The following RAB44 variants were observed in gnomAD, a reference collection of about 807,000 sequenced individuals.
The protein encoded by RAB44 is ras-related protein Rab-44.
A neutral mutation model predicts 93.3 loss-of-function variants in RAB44; 67 were observed. That is an observed-to-expected ratio of 0.72 (90% confidence interval 0.59 to 0.88). RAB44 has a LOEUF of 0.88. Among genes scored for constraint, RAB44 ranks in the 40% least tolerant of loss-of-function variants. The probability of loss-of-function intolerance (pLI) is 0.00; values close to 1 mark genes in which losing one functional copy is unlikely to be tolerated. For missense variants in RAB44, 1,064 were observed against 1,261.7 expected (o/e 0.84, Z 2.37); for synonymous variants, 427 against 520.3 (o/e 0.82, Z 2.44).
intron 11 of RAB44, 134 bp downstream of exon 11, chr6:36,727,825 A>G (rs1037892756): frequency 3.0e-6 from 2 of 662,988 alleles, no homozygotes; most frequent in Admixed American, 4.6e-5. Context: ...CACTGAGGGC[A>G]TGTGGTTGGA....
chr6:36,721,214 G>C lies in RAB44; in HGVS notation c.1080G>C (p.Leu360=). The C allele has an allele frequency of 8.3e-7, 1 of 1,207,718 alleles. No individual in the cohort carries two copies. The highest frequency in any genetic ancestry group is 1.0e-6 in the Non-Finnish European group (1 of 983,710). The allele number at this position is 1,207,718 out of a possible 1,614,324, so 74.8% of individuals were successfully genotyped here. ...CTGCCTCCCCTGAGGAGGCCCCCCT[G>C]CCTGGGCTATTTGGGGACAACGATG... The part of the protein sequence containing the change: ...PQAASPEEAP[L]PGLFGDNDDW... The change falls in exon 9 of 14, where the codon CTG becomes CTC. Residue 360 remains leucine, a synonymous_variant. Coordinates refer to ENST00000612677, the MANE Select transcript of RAB44 (RefSeq NM_001257357.2).
At chr6:36,727,555 C>T (rs554559394) in intron 10 of RAB44, 22 bp from the exon 11 acceptor site, 3 of 1,529,656 alleles carry the variant, frequency 2.0e-6, no homozygotes, top group African/African-American at 1.4e-5. Context: ...CTGGTGTGGC[C>T]TCATGCAGAC....
Position 36,699,948 on chromosome 6 carries a change from T to C in RAB44, c.-13+2033T>C, listed in dbSNP as rs115007357. On this transcript the variant is annotated intron_variant, in intron 1 of 13. Coordinates refer to ENST00000612677, the MANE Select transcript of RAB44 (RefSeq NM_001257357.2). ...GCAAATATTTGCAGAGTACCAACTGTGTGCCAAGCGCTGTTCTAGGCTCTT... is the reference window on the plus strand; with the variant it reads ...GCAAATATTTGCAGAGTACCAACTGCGTGCCAAGCGCTGTTCTAGGCTCTT... 2.7e-3 allele frequency among the ~76,000 whole-genome samples: 411 copies of C among 152,316 alleles called. 3 individuals are homozygous for C. Among genetic ancestry groups the C allele is most frequent in the African/African-American group, 8.8e-3 (365 of 41,558 alleles).
chr6:36,716,703 T>C (rs1211395786), intron 4 of RAB44, among the ~76,000 whole-genome samples: 1 of 148,244 alleles, frequency 6.7e-6, no homozygotes, highest in African/African-American at 2.5e-5. Flanking sequence ...TGTAGACTGG[T>C]GGGGCAAGGG....
In RAB44 at chr6:36,717,948, C is replaced by T; in HGVS notation, c.642-80C>T. The T allele has an allele frequency of 1.1e-6, 1 of 881,274 alleles. No homozygotes were observed. Among genetic ancestry groups the T allele is most frequent in the East Asian group, 3.3e-5 (1 of 30,064 alleles). 54.6% of individuals were successfully genotyped at this position (881,274 alleles called of 1,614,324 possible). A position where few individuals can be genotyped will look rare whatever the true frequency, so the allele number is the denominator to read the frequency against. ...AAAGCAATAGGATGGATTCCAAACC[C>T]AAGCCCAGACTGCCCCTGCCAGCAG... On this transcript the variant is annotated intron_variant, in intron 5 of 13. Transcript: ENST00000612677. This position sits in a 1 kb window ranked among gnomAD's most constrained non-coding sequence, Gnocchi z 4.1.
At chr6:36,724,220 T>A (rs1292270877) in intron 9 of RAB44, among the ~76,000 whole-genome samples, 1 of 152,082 alleles carries the variant, frequency 6.6e-6, no homozygotes. Context: ...CAGGCTCCAG[T>A]GCAGTGGCAC....
At position 36,731,142 on chromosome 6, in the gene RAB44, C is replaced by T. The variant is rs1313841798; in HGVS notation, c.2975+393C>T. Reference sequence around the variant, plus strand: ...TCTAGTGCCATCTCCCCCACCCCTACACACACACACATTCACTCACACCCA... The same window carrying T: ...TCTAGTGCCATCTCCCCCACCCCTATACACACACACATTCACTCACACCCA... On this transcript the variant is annotated intron_variant, in intron 13 of 13. Transcript: ENST00000612677. This position sits in a 1 kb window ranked among gnomAD's most constrained non-coding sequence, Gnocchi z 4.0. Among the ~76,000 whole-genome samples the T allele has an allele frequency of 1.3e-5, 2 of 151,244 alleles. No homozygotes were observed. The highest frequency in any genetic ancestry group is 3.0e-5 in the Non-Finnish European group (2 of 67,796).
chr6:36,732,180 C>A lies in RAB44; in HGVS notation c.*87C>A. ...CCTTTGTTCCTGGACAGCAACGACA[C>A]AGAGGACCAGCTTGGAGGTTCAGGA... On this transcript the variant is annotated 3_prime_UTR_variant, in exon 14 of 14. Transcript: ENST00000612677. 2.4e-6 allele frequency: 2 copies of A among 831,582 alleles called. No individual in the cohort carries two copies. The highest frequency in any genetic ancestry group is 3.2e-6 in the Non-Finnish European group (2 of 621,318). The allele number at this position is 831,582 out of a possible 1,614,324, so 51.5% of individuals were successfully genotyped here. A position where few individuals can be genotyped will look rare whatever the true frequency, so the allele number is the denominator to read the frequency against.
chr6:36,700,062 C>T (rs935790950), intron 1 of RAB44, among the ~76,000 whole-genome samples: 1 of 152,118 alleles, frequency 6.6e-6, no homozygotes, highest in Non-Finnish European at 1.5e-5. Context: ...ACAACAAAAA[C>T]GAGCAAAAGG....
chr6:36,728,350 T>C (rs1365748482), intron 11 of RAB44, among the ~76,000 whole-genome samples: 1 of 152,200 alleles, frequency 6.6e-6, no homozygotes, highest in Non-Finnish European at 1.5e-5. Context: ...ACCTGGTGTA[T>C]AGCAATCACT....
intron 1 of RAB44, among the ~76,000 whole-genome samples, chr6:36,701,434 G>T (rs1762505874): frequency 6.6e-6 from 1 of 152,130 alleles, no homozygotes; most frequent in Admixed American, 6.6e-5. Flanking sequence ...CTCTTCAGTT[G>T]TCTGTTAGAA....
chr6:36,725,862 G>C lies in RAB44; in HGVS notation c.2600G>C (p.Gly867Ala). Residue 867 changes from glycine (G) to alanine (A), a missense_variant and splice_region_variant, in exon 10 of 14, where the codon GGA (glycine) becomes GCA (alanine). Gly to Ala is a moderately conservative substitution (Grantham distance 60, BLOSUM62 0). Coordinates refer to ENST00000612677, the MANE Select transcript of RAB44 (RefSeq NM_001257357.2). Reference sequence around the variant, plus strand: ...CTTCACCCCTCTCTATGTGTCCTAGGAGTAGATTTTCGGGTCAAAACCTTG... The same window carrying C: ...CTTCACCCCTCTCTATGTGTCCTAGCAGTAGATTTTCGGGTCAAAACCTTG... ...SFATGLTATV[G>A]VDFRVKTLLV... 1 of 1,549,986 alleles carries C rather than the reference G, an allele frequency of 6.5e-7. No homozygotes were observed. The highest frequency in any genetic ancestry group is 1.4e-5 in the African/African-American group (1 of 73,146).
Position 36,731,488 on chromosome 6 carries a change from A to G in RAB44, c.2976-515A>G, listed in dbSNP as rs1429201186. On this transcript the variant is annotated intron_variant, in intron 13 of 13. Coordinates refer to ENST00000612677, the MANE Select transcript of RAB44 (RefSeq NM_001257357.2). The surrounding 1 kb of genome is among the most constrained non-coding windows in gnomAD (Gnocchi z 4.0). ...AGATCAGATGAGCACCATCTGGCAC[A>G]CAGTAAATATATCACGAAGAAATGA... Among the ~76,000 whole-genome samples, 1 of 152,240 alleles carries G rather than the reference A, an allele frequency of 6.6e-6. No individual in the cohort carries two copies. Among genetic ancestry groups the G allele is most frequent in the Non-Finnish European group, 1.5e-5 (1 of 68,038 alleles).
rs1255765898 is a variant in RAB44, at chr6:36,717,708, G to A, written c.641+289G>A. 1.3e-5 allele frequency among the ~76,000 whole-genome samples: 2 copies of A among 152,186 alleles called. No individual in the cohort carries two copies. The highest frequency in any genetic ancestry group is 4.8e-5 in the African/African-American group (2 of 41,444). On this transcript the variant is annotated intron_variant, in intron 5 of 13. Transcript: ENST00000612677. The surrounding 1 kb of genome is among the most constrained non-coding windows in gnomAD (Gnocchi z 4.1). ...ATGCATGTGGTGACCCTGGAGTTGG[G>A]TTATAAGGGCAGGAGGACGGTGAAA...
At chr6:36,716,645 C>T (rs1191971887) in intron 4 of RAB44, among the ~76,000 whole-genome samples, 1 of 151,028 alleles carries the variant, frequency 6.6e-6, no homozygotes, top group African/African-American at 2.4e-5. Context: ...GCTTGGCTCC[C>T]GGAGGGTGGG....
At position 36,722,743 on chromosome 6, in the gene RAB44, T is replaced by C. The variant is rs143747683; in HGVS notation, c.2599+10T>C. ...TTGACAGCTACCGTGGGTAAGGGCA[T>C]TGGGGAGGGCGGCAGGGAGCAAGGA... On this transcript the variant is annotated intron_variant, in intron 9 of 13. Transcript: ENST00000612677. 1.6e-4 allele frequency: 242 copies of C among 1,550,430 alleles called. No homozygotes were observed. The East Asian group carries it at 4.6e-3, about 29-fold the overall frequency.
In RAB44 at chr6:36,717,097, A is replaced by G. The variant is rs1367566043; in HGVS notation, c.495-176A>G. Among the ~76,000 whole-genome samples, 1 of 152,194 alleles carries G rather than the reference A, an allele frequency of 6.6e-6. No homozygotes were observed. The highest frequency in any genetic ancestry group is 3.2e-3 in the Middle Eastern group (1 of 316). On this transcript the variant is annotated intron_variant, in intron 4 of 13. Coordinates refer to ENST00000612677, the MANE Select transcript of RAB44 (RefSeq NM_001257357.2). The surrounding 1 kb of genome is among the most constrained non-coding windows in gnomAD (Gnocchi z 4.1). ...GAGAAGGGAGAGGGCACATCTGGGAATGGTTCCTGGAGGAGGTGGCGTTTT... is the reference window on the plus strand; with the variant it reads ...GAGAAGGGAGAGGGCACATCTGGGAGTGGTTCCTGGAGGAGGTGGCGTTTT...
At chr6:36,724,285 A>G (rs188437992) in intron 9 of RAB44, among the ~76,000 whole-genome samples, 1 of 152,088 alleles carries the variant, frequency 6.6e-6, no homozygotes, top group Non-Finnish European at 1.5e-5. Flanking sequence ...CTCCTGCCTC[A>G]GCCTCCCAAG....
At chr6:36,720,107 T>G (rs1763032967) in intron 7 of RAB44, among the ~76,000 whole-genome samples, 1 of 152,176 alleles carries the variant, frequency 6.6e-6, no homozygotes. Context: ...GGGGCCTTTG[T>G]GGCGCTGGTG....
Sources: allele counts gnomAD v4.1 joint callset (sites outside exome capture counted in the v4.1 genomes callset), GRCh38; gene constraint gnomAD v4.1.1; non-coding constraint Gnocchi (gnomAD v3.1); transcripts MANE v1.5; gene names NCBI Gene and HGNC (gene_info 2026-07-23, HGNC 2026-07-21).